Variants in VWA8 observed in about 807,000 individuals in gnomAD.
The protein encoded by VWA8 is von Willebrand factor A domain containing 8, also known as von Willebrand factor A domain-containing protein 8.
VWA8 carries 221 observed loss-of-function variants against 241.5 expected under a neutral mutation model. That is an observed-to-expected ratio of 0.91 (90% CI 0.82 to 1.02). The LOEUF is 1.02. VWA8 is among the 50% of genes least tolerant of loss of function. VWA8 has a pLI of 0.00. For synonymous variants in VWA8, 852 were observed against 827.1 expected (o/e 1.03, Z -0.52); for missense variants, 2,322 against 2,328.7 (o/e 1.00, Z 0.06).
At chr13:41,740,621 G>C (rs2045562889) in intron 21 of VWA8, among the ~76,000 whole-genome samples, 1 of 152,136 alleles carries the variant, frequency 6.6e-6, no homozygotes, top group South Asian at 2.1e-4. Context: ...ACCATCCAGA[G>C]CCTCCAGAAT....
intron 35 of VWA8, among the ~76,000 whole-genome samples, chr13:41,679,311 A>C (rs949897020): frequency 6.6e-6 from 1 of 152,176 alleles, no homozygotes; most frequent in Non-Finnish European, 1.5e-5. Flanking sequence ...AACAACCAAG[A>C]CAATTTTCAG....
intron 21 of VWA8, among the ~76,000 whole-genome samples, chr13:41,750,776 A>C (rs917675286): frequency 6.6e-6 from 1 of 152,196 alleles, no homozygotes; most frequent in Admixed American, 6.5e-5. Flanking sequence ...GCTTATTGTG[A>C]ATAAACAAAG....
At chr13:41,844,377 G>GC in intron 12 of VWA8, among the ~76,000 whole-genome samples, 1 of 151,942 alleles carries the variant, frequency 6.6e-6, no homozygotes, top group Non-Finnish European at 1.5e-5. Context: ...AAACCCACAG[G>GC]CAACATCACA....
chr13:41,682,181 A>T (rs1434925980), intron 35 of VWA8, among the ~76,000 whole-genome samples: 1 of 152,210 alleles, frequency 6.6e-6, no homozygotes, highest in Non-Finnish European at 1.5e-5. Flanking sequence ...CACATAGACC[A>T]ATGGAACACA....
At chr13:41,833,267 C>T in intron 13 of VWA8, 104 bp downstream of exon 13, 1 of 1,341,630 alleles carries the variant, frequency 7.5e-7, no homozygotes, top group Non-Finnish European at 9.8e-7. Context: ...AGGATCTACA[C>T]AACCCAGTTT....
chr13:41,925,393 A>G (rs751272644), intron 2 of VWA8, among the ~76,000 whole-genome samples: 10 of 152,250 alleles, frequency 6.6e-5, no homozygotes, highest in Non-Finnish European at 1.0e-4. Context: ...TAAATCATAC[A>G]TATCTCTAGT....
At chr13:41,571,334 C>CTCTCCCGTCTCCCTCTCCTG (rs374198969) in intron 43 of VWA8, among the ~76,000 whole-genome samples, 2 of 138,916 alleles carry the variant, frequency 1.4e-5, no homozygotes, top group Admixed American at 7.0e-5. Flanking sequence ...TCCCGTCTCC[C>CTCTCCCGTCTCCCTCTCCTG]TCTCCCTCTC....
chr13:41,616,490 A>G (rs1339896632), intron 37 of VWA8, among the ~76,000 whole-genome samples: 3 of 152,158 alleles, frequency 2.0e-5, no homozygotes, highest in Non-Finnish European at 4.4e-5. Context: ...AGCTAGGAAC[A>G]TTTAGAGAAA....
intron 13 of VWA8, among the ~76,000 whole-genome samples, chr13:41,832,513 CAT>C (rs1256162974): frequency 1.3e-5 from 2 of 151,822 alleles, no homozygotes; most frequent in African/African-American, 4.8e-5. Context: ...TCAGGATTAA[CAT>C]AACGTATTTA....
intron 17 of VWA8, among the ~76,000 whole-genome samples, chr13:41,803,928 T>C (rs559534858): frequency 6.6e-6 from 1 of 152,178 alleles, no homozygotes; most frequent in South Asian, 2.1e-4. Context: ...AACAGCAAAA[T>C]TGATCAAGCA....
At chr13:41,956,362 C>G (rs1168722602) in intron 1 of VWA8, among the ~76,000 whole-genome samples, 1 of 152,138 alleles carries the variant, frequency 6.6e-6, no homozygotes, top group Non-Finnish European at 1.5e-5. Context: ...AACTTAGACC[C>G]AAGAGAAAAC....
In VWA8 at chr13:41,573,068, C is replaced by G. The variant is rs1409231890; in HGVS notation, c.5371-2362G>C. 4.1e-5 allele frequency among the ~76,000 whole-genome samples: 6 copies of G among 145,502 alleles called. No individual in the cohort carries two copies. In the East Asian group the frequency reaches 1.2e-3, roughly 29 times the overall value. ...AGGTTGTAGTGAGCTGAGAATGTACCACTGCACTCCAGCCTGGGCGACAGA... is the reference window on the plus strand; with the variant it reads ...AGGTTGTAGTGAGCTGAGAATGTACGACTGCACTCCAGCCTGGGCGACAGA... On this transcript the variant is annotated intron_variant, in intron 43 of 44. Transcript: ENST00000379310.
At chr13:41,737,285 C>T (rs2045533285) in intron 21 of VWA8, among the ~76,000 whole-genome samples, 1 of 152,086 alleles carries the variant, frequency 6.6e-6, no homozygotes, top group African/African-American at 2.4e-5. Context: ...AAGAACATAA[C>T]TTTCACAAGA....
chr13:41,591,519 G>A (rs2044454694), intron 40 of VWA8, among the ~76,000 whole-genome samples: 1 of 152,118 alleles, frequency 6.6e-6, no homozygotes, highest in African/African-American at 2.4e-5. Context: ...AAGATTATGT[G>A]TTCCAGGCAA....
At chr13:41,698,995 T>A in intron 29 of VWA8, 76 bp downstream of exon 29, 1 of 1,587,172 alleles carries the variant, frequency 6.3e-7, no homozygotes, top group Admixed American at 1.7e-5. Context: ...GCACATCTTT[T>A]CAGTTATAGG....
At chr13:41,582,092 G>A (rs939223125) in intron 42 of VWA8, among the ~76,000 whole-genome samples, 2 of 152,188 alleles carry the variant, frequency 1.3e-5, no homozygotes, top group Non-Finnish European at 2.9e-5. Context: ...AGTCTTCAGT[G>A]ACCTACTGTG....
intron 2 of VWA8, among the ~76,000 whole-genome samples, chr13:41,947,958 ACAAAAC>A (rs1566048754): frequency 2.5e-5 from 3 of 122,128 alleles, no homozygotes; most frequent in Middle Eastern, 4.7e-3. Context: ...AAAAAACAAA[ACAAAAC>A]ATTTTGGTAA....
chr13:41,949,907 T>C (rs948662358), intron 2 of VWA8, 29 bp downstream of exon 2: 13 of 1,317,568 alleles, frequency 9.9e-6, no homozygotes, highest in Admixed American at 8.7e-5. Flanking sequence ...TAAAAGTTAT[T>C]CATTCATATA....
At chr13:41,618,943 T>A (rs553173628) in intron 37 of VWA8, among the ~76,000 whole-genome samples, 1 of 152,346 alleles carries the variant, frequency 6.6e-6, no homozygotes, top group South Asian at 2.1e-4. Context: ...CTTAGCATTG[T>A]CTTGGCAATG....
Sources: allele counts gnomAD v4.1 joint callset (sites outside exome capture counted in the v4.1 genomes callset), GRCh38; gene constraint gnomAD v4.1.1; transcripts MANE v1.5; gene names NCBI Gene and HGNC (gene_info 2026-07-23, HGNC 2026-07-21).